ANKS1A: variants seen among roughly 807,000 people sequenced by gnomAD.
ANKS1A encodes ankyrin repeat and sterile alpha motif domain containing 1A, also known as ankyrin repeat and SAM domain-containing protein 1A.
Under a neutral mutation model 120.3 loss-of-function variants are expected in ANKS1A, and 55 were observed. That is an observed-to-expected ratio of 0.46 (90% CI 0.37 to 0.57). The LOEUF (loss-of-function observed/expected upper bound fraction) is 0.57. Among genes scored for constraint, ANKS1A ranks in the 20% least tolerant of loss-of-function variants. The pLI, the probability that ANKS1A is intolerant of heterozygous loss-of-function variation, is 0.00. For synonymous variants in ANKS1A, 590 were observed against 604.7 expected (o/e 0.98, Z 0.36); for missense variants, 1,123 against 1,480.3 (o/e 0.76, Z 3.96).
intron 11 of ANKS1A, among the ~76,000 whole-genome samples, chr6:35,043,697 A>G (rs925537690): frequency 7.4e-4 from 113 of 152,208 alleles, no homozygotes; most frequent in African/African-American, 2.6e-3. Context: ...AAAGAATCAA[A>G]CAATTTAACC....
intron 1 of ANKS1A, among the ~76,000 whole-genome samples, chr6:34,960,786 A>G (rs1770594974): frequency 6.6e-6 from 1 of 152,200 alleles, no homozygotes; most frequent in African/African-American, 2.4e-5. Context: ...AGGCCTCTCA[A>G]TACTATTATA....
At chr6:35,069,168 C>T (rs1451806883) in intron 13 of ANKS1A, among the ~76,000 whole-genome samples, 1 of 152,198 alleles carries the variant, frequency 6.6e-6, no homozygotes, top group Non-Finnish European at 1.5e-5. Flanking sequence ...CTGCCTTTTC[C>T]CAGGCTCCCT....
chr6:34,939,989 G>C (rs1769449320), intron 1 of ANKS1A, among the ~76,000 whole-genome samples: 1 of 152,200 alleles, frequency 6.6e-6, no homozygotes, highest in Admixed American at 6.5e-5. Context: ...TGAGCACAAT[G>C]AATTTTGGTC....
Position 34,985,092 on chromosome 6 carries a change from G to A in ANKS1A, c.1023G>A (p.Glu341=). 2 of 1,613,634 alleles carry A rather than the reference G, an allele frequency of 1.2e-6. No homozygotes were observed. The highest frequency in any genetic ancestry group is 8.5e-7 in the Non-Finnish European group (1 of 1,179,704). Residue 341 remains glutamate (E), a synonymous_variant, in exon 8 of 24, where the codon GAG becomes GAA. Coordinates refer to ENST00000360359, the MANE Select transcript of ANKS1A (RefSeq NM_015245.3). ...SISQKSQGDV[E]KAVTELIIDF... ...CCATCCTCCTCTCAGGTGACGTGGAGAAAGCAGTGACTGAACTGATTATAG... is the reference window on the plus strand; with the variant it reads ...CCATCCTCCTCTCAGGTGACGTGGAAAAAGCAGTGACTGAACTGATTATAG...
intron 11 of ANKS1A, among the ~76,000 whole-genome samples, chr6:35,021,893 A>G (rs1774361057): frequency 6.6e-6 from 1 of 151,914 alleles, no homozygotes; most frequent in Non-Finnish European, 1.5e-5. Flanking sequence ...GGCTGAGGCA[A>G]GAGAATTGCT....
intron 1 of ANKS1A, among the ~76,000 whole-genome samples, chr6:34,896,357 G>GCC (rs1479978516): frequency 6.6e-6 from 1 of 152,022 alleles, no homozygotes. Context: ...ACAGGTGTGA[G>GCC]CCCCCACGCC....
chr6:35,087,264 A>G (rs925073086), intron 23 of ANKS1A, among the ~76,000 whole-genome samples: 1 of 152,088 alleles, frequency 6.6e-6, no homozygotes, highest in African/African-American at 2.4e-5. Flanking sequence ...AACACTGTGA[A>G]TTCTCCCCCT....
At chr6:34,992,378 A>G (rs1165057883) in intron 9 of ANKS1A, among the ~76,000 whole-genome samples, 1 of 152,162 alleles carries the variant, frequency 6.6e-6, no homozygotes, top group Non-Finnish European at 1.5e-5. Flanking sequence ...AGTGGGCCTG[A>G]TTTTCCACAT....
At chr6:34,931,955 G>A (rs564532824) in intron 1 of ANKS1A, among the ~76,000 whole-genome samples, 2 of 152,316 alleles carry the variant, frequency 1.3e-5, no homozygotes, top group Admixed American at 1.3e-4. Flanking sequence ...ATACAAATCT[G>A]TATCTTAAAA....
intron 1 of ANKS1A, among the ~76,000 whole-genome samples, chr6:34,942,502 C>G (rs567558058): frequency 1.3e-5 from 2 of 152,194 alleles, no homozygotes; most frequent in African/African-American, 2.4e-5. Context: ...GGTGGATGAT[C>G]ACTAACAGTT....
chr6:34,983,040 C>G (rs974015003), intron 5 of ANKS1A, 73 bp from the exon 6 acceptor site: 2 of 1,450,280 alleles, frequency 1.4e-6, no homozygotes, highest in African/African-American at 2.8e-5. Flanking sequence ...CCTTAAATGT[C>G]CTAAAATTTG....
intron 3 of ANKS1A, chr6:34,972,632 A>G (rs1771241014): frequency 1.0e-6 from 1 of 985,266 alleles, no homozygotes; most frequent in Non-Finnish European, 1.2e-6. Context: ...TGACCCTTAT[A>G]TCAATGCCAA....
At chr6:35,021,384 A>G (rs1003215248) in intron 11 of ANKS1A, among the ~76,000 whole-genome samples, 2 of 152,156 alleles carry the variant, frequency 1.3e-5, no homozygotes, top group Non-Finnish European at 2.9e-5. Context: ...TCCTGGAAAG[A>G]AGTGCAGGAC....
chr6:34,993,266 A>G (rs554702734), intron 9 of ANKS1A, among the ~76,000 whole-genome samples: 24 of 152,356 alleles, frequency 1.6e-4, no homozygotes, highest in Admixed American at 1.3e-4. Context: ...AAGGACATCC[A>G]TTGTCTCTCA....
Position 34,934,219 on chromosome 6 carries a change from C to T in ANKS1A, c.198-33020C>T, listed in dbSNP as rs149069353. ...CTGAAGTGCAGTGGCCCAGTCTCGG[C>T]TCACTGCAAGCTCCACCTCCCGGGT... On this transcript the variant is annotated intron_variant, in intron 1 of 23. Transcript: ENST00000360359. Among the ~76,000 whole-genome samples, 42 of 152,208 alleles carry T rather than the reference C, an allele frequency of 2.8e-4. No homozygotes were observed. In the East Asian group the frequency reaches 7.5e-3, roughly 27 times the overall value.
intron 1 of ANKS1A, among the ~76,000 whole-genome samples, chr6:34,934,635 A>G (rs562556721): frequency 1.1e-4 from 16 of 152,322 alleles, no homozygotes; most frequent in South Asian, 8.3e-4. Flanking sequence ...GTTTCCCTGG[A>G]ATCTCATGCA....
In ANKS1A at chr6:35,086,223, T is replaced by A. The variant is rs1195034022; in HGVS notation, c.3303+287T>A. The A allele has an allele frequency of 7.3e-7, 1 of 1,365,114 alleles. No homozygotes were observed. Among genetic ancestry groups the A allele is most frequent in the Non-Finnish European group, 9.7e-7 (1 of 1,029,112 alleles). 84.6% of individuals were successfully genotyped at this position (1,365,114 alleles called of 1,614,324 possible). On this transcript the variant is annotated intron_variant, in intron 22 of 23. Coordinates refer to ENST00000360359, the MANE Select transcript of ANKS1A (RefSeq NM_015245.3). This position sits in a 1 kb window ranked among gnomAD's most constrained non-coding sequence, Gnocchi z 5.1. ...AGAGCGGCCTGCAGGCAGCCCCCAG[T>A]AACTGCGCCATCCCTGTGTCTGTGT...
At chr6:34,966,473 A>G (rs1770900905) in intron 1 of ANKS1A, among the ~76,000 whole-genome samples, 1 of 152,234 alleles carries the variant, frequency 6.6e-6, no homozygotes, top group African/African-American at 2.4e-5. Context: ...AGCAGGAACA[A>G]AACAAGTTTG....
intron 7 of ANKS1A, 93 bp from the exon 8 acceptor site, chr6:34,984,989 G>C (rs938636386): frequency 8.5e-7 from 1 of 1,173,064 alleles, no homozygotes. Flanking sequence ...TTGTGAGCGC[G>C]GGTGACTAAA....
Sources: gnomAD v4.1 joint callset for allele counts (sites outside exome capture counted in the v4.1 genomes callset) on GRCh38, gnomAD v4.1.1 for gene constraint, Gnocchi (gnomAD v3.1) non-coding constraint, MANE v1.5 for transcripts, NCBI Gene and HGNC (gene_info 2026-07-23, HGNC 2026-07-21) for gene names.